Variants in KIF6 observed in about 807,000 individuals in gnomAD.
KIF6 encodes kinesin-like protein KIF6.
KIF6 carries 106 observed loss-of-function variants against 112.7 expected under a neutral mutation model. The ratio of observed to expected loss-of-function variants is 0.94; its 90% CI spans 0.80 to 1.11. The LOEUF (loss-of-function observed/expected upper bound fraction) is 1.11, where lower values mean the gene tolerates loss of function less well. Ranked by LOEUF, KIF6 falls within the 50% of genes least tolerant of loss-of-function variation. KIF6 has a pLI of 0.00. For synonymous variants in KIF6, 339 were observed against 339.9 expected (o/e 1.00, Z 0.03); for missense variants, 929 against 964.0 (o/e 0.96, Z 0.48).
chr6:39,649,721 TAAAGAAAGAAAGAAAGAAAGAAAG>T (rs78847578), intron 3 of KIF6, among the ~76,000 whole-genome samples: 1 of 59,400 alleles, frequency 1.7e-5, no homozygotes, highest in Non-Finnish European at 4.0e-5. Flanking sequence ...ACACTCTGAT[TAAAGAAAGAAAGAAAGAAAGAAAG>T]AAAGAAAGAA....
intron 13 of KIF6, among the ~76,000 whole-genome samples, chr6:39,524,808 G>T (rs75551675): frequency 6.6e-6 from 1 of 152,282 alleles, no homozygotes; most frequent in African/African-American, 2.4e-5. Context: ...CACAGGTGTT[G>T]GCCCCAGGGG....
chr6:39,385,942 C>T (rs1767378616), intron 15 of KIF6, among the ~76,000 whole-genome samples: 1 of 152,196 alleles, frequency 6.6e-6, no homozygotes, highest in South Asian at 2.1e-4. Flanking sequence ...CTTAGCCTGT[C>T]ACCCATAACT....
At chr6:39,348,903 G>A (rs1215328034) in intron 19 of KIF6, among the ~76,000 whole-genome samples, 2 of 152,190 alleles carry the variant, frequency 1.3e-5, no homozygotes, top group African/African-American at 4.8e-5. Flanking sequence ...TCACCCTGGC[G>A]GCTCTGACCG....
intron 15 of KIF6, among the ~76,000 whole-genome samples, chr6:39,392,200 G>T (rs970542914): frequency 6.6e-6 from 1 of 152,146 alleles, no homozygotes; most frequent in Non-Finnish European, 1.5e-5. Context: ...TTTGACATCT[G>T]TTTTGCTGTA....
chr6:39,411,036 G>A (rs899396408), intron 15 of KIF6, among the ~76,000 whole-genome samples: 3 of 96,842 alleles, frequency 3.1e-5, no homozygotes, highest in African/African-American at 6.0e-5. Context: ...AACACAAATT[G>A]GTCCAGTCAA....
chr6:39,586,460 C>A (rs746727332), intron 7 of KIF6, 56 bp from the exon 8 acceptor site: 18 of 1,422,508 alleles, frequency 1.3e-5, no homozygotes, highest in Admixed American at 1.7e-5. Context: ...GCACTCCTGA[C>A]AAACAACAGA....
intron 16 of KIF6, among the ~76,000 whole-genome samples, chr6:39,384,493 A>G (rs941486510): frequency 1.3e-5 from 2 of 152,248 alleles, no homozygotes; most frequent in African/African-American, 4.8e-5. Flanking sequence ...CCCAGGGCCA[A>G]CAGTGGGAAG....
intron 13 of KIF6, among the ~76,000 whole-genome samples, chr6:39,511,649 T>A (rs1237760554): frequency 2.6e-5 from 4 of 152,216 alleles, no homozygotes; most frequent in Non-Finnish European, 5.9e-5. Flanking sequence ...ACATGTATAT[T>A]TATTGTGGCA....
Position 39,333,539 on chromosome 6 carries a change from G to A in KIF6, c.*2993C>T, listed in dbSNP as rs991647946. The A allele has an allele frequency of 3.9e-5, 6 of 152,240 alleles. No homozygotes were observed. Among genetic ancestry groups the A allele is most frequent in the Non-Finnish European group, 7.3e-5 (5 of 68,054 alleles). The allele number at this position is 152,240 out of a possible 1,614,324, so 9.4% of individuals were successfully genotyped here. Reference sequence around the variant, plus strand: ...GAGAGATCACTGGAGCAAGAGGCAAGCTCAACCATGAGAGCACAATTCAAG... The same window carrying A: ...GAGAGATCACTGGAGCAAGAGGCAAACTCAACCATGAGAGCACAATTCAAG... On this transcript the variant is annotated 3_prime_UTR_variant, in exon 23 of 23. Transcript: ENST00000287152.
chr6:39,720,510 A>G (rs763521671), intron 2 of KIF6, among the ~76,000 whole-genome samples, 192 bp downstream of exon 2: 9 of 152,100 alleles, frequency 5.9e-5, no homozygotes, highest in African/African-American at 2.2e-4. Flanking sequence ...CAGATATAGA[A>G]ATACACATTA....
intron 6 of KIF6, among the ~76,000 whole-genome samples, chr6:39,609,891 T>C (rs1783123215): frequency 6.6e-6 from 1 of 152,186 alleles, no homozygotes; most frequent in Admixed American, 6.5e-5. Flanking sequence ...TCTGAATCCA[T>C]CAACCAGAAA....
chr6:39,359,318 G>A (rs1359828291), intron 18 of KIF6, among the ~76,000 whole-genome samples: 1 of 152,144 alleles, frequency 6.6e-6, no homozygotes, highest in East Asian at 1.9e-4. Context: ...TAACACTTAT[G>A]GAAAGGTCAT....
intron 3 of KIF6, among the ~76,000 whole-genome samples, chr6:39,692,320 G>A (rs1000568150): frequency 1.3e-5 from 2 of 152,104 alleles, no homozygotes; most frequent in African/African-American, 4.8e-5. Context: ...CCAATATTTT[G>A]GTAGAGCAAG....
chr6:39,513,885 T>A (rs1038854888), intron 13 of KIF6, among the ~76,000 whole-genome samples: 1 of 152,184 alleles, frequency 6.6e-6, no homozygotes, highest in African/African-American at 2.4e-5. Context: ...ACTAGAAAAT[T>A]TGAGCAATCT....
At chr6:39,689,505 G>GTAATAA (rs112419136) in intron 3 of KIF6, among the ~76,000 whole-genome samples, 1 of 151,552 alleles carries the variant, frequency 6.6e-6, no homozygotes, top group Non-Finnish European at 1.5e-5. Context: ...TCAAAAAATA[G>GTAATAA]TAATAATAAT....
chr6:39,486,685 T>C (rs1316483034), intron 13 of KIF6, among the ~76,000 whole-genome samples: 2 of 152,354 alleles, frequency 1.3e-5, no homozygotes, highest in Admixed American at 1.3e-4. Flanking sequence ...CCCTGAAGTT[T>C]AGCTTTGGAT....
At chr6:39,405,860 T>C (rs925076347) in intron 15 of KIF6, among the ~76,000 whole-genome samples, 7 of 152,216 alleles carry the variant, frequency 4.6e-5, no homozygotes, top group Non-Finnish European at 7.3e-5. Flanking sequence ...ATTCCTTTAG[T>C]AGATGGTATG....
intron 3 of KIF6, among the ~76,000 whole-genome samples, chr6:39,651,418 T>A (rs954325634): frequency 4.6e-5 from 7 of 151,940 alleles, no homozygotes; most frequent in African/African-American, 1.5e-4. Flanking sequence ...CGGGGGAGGG[T>A]AGCAGGTGGC....
intron 6 of KIF6, among the ~76,000 whole-genome samples, chr6:39,597,692 T>C (rs1003958795): frequency 4.6e-5 from 7 of 152,204 alleles, no homozygotes; most frequent in Non-Finnish European, 8.8e-5. Context: ...TGGAAGCATA[T>C]TGTAATCAAC....
Sources: allele counts gnomAD v4.1 joint callset (sites outside exome capture counted in the v4.1 genomes callset), GRCh38; gene constraint gnomAD v4.1.1; transcripts MANE v1.5; gene names NCBI Gene and HGNC (gene_info 2026-07-23, HGNC 2026-07-21).